The following COL25A1 variants were observed in gnomAD, a reference collection of about 807,000 sequenced individuals.
The protein encoded by COL25A1 is collagen type XXV alpha 1 chain, also known as collagen alpha-1(XXV) chain.
Under a neutral mutation model 128.4 loss-of-function variants are expected in COL25A1, and 103 were observed. That is an observed-to-expected ratio of 0.80 (90% CI 0.68 to 0.94). COL25A1 has a LOEUF of 0.94. Ranked by LOEUF, COL25A1 falls within the 40% of genes least tolerant of loss-of-function variation. COL25A1 has a pLI of 0.00. For synonymous variants in COL25A1, 279 were observed against 277.2 expected, an observed-to-expected ratio of 1.01 and a Z score of -0.06; for missense variants, 745 against 840.0, an observed-to-expected ratio of 0.89 and a Z score of 1.40.
chr4:108,871,385 G>A lies in COL25A1; in HGVS notation c.1021-2235C>T, dbSNP rs995899003. Among the ~76,000 whole-genome samples, 6 of 152,028 alleles carry A rather than the reference G, an allele frequency of 3.9e-5. No individual in the cohort carries two copies. In the East Asian group the frequency reaches 5.8e-4, roughly 15 times the overall value. ...GGCTGGAGTGCAGTGGCACAATCTC[G>A]GCTCACTGCAAGCTCCGCCTCCCGG... On this transcript the variant is annotated intron_variant, in intron 19 of 37. Transcript: ENST00000399132.
intron 3 of COL25A1, among the ~76,000 whole-genome samples, chr4:109,132,934 G>T (rs1314221736): frequency 3.3e-5 from 5 of 152,024 alleles, no homozygotes; most frequent in African/African-American, 9.7e-5. Flanking sequence ...AAAAATAGGA[G>T]TATTAGACTT....
chr4:108,886,820 C>T (rs1477591066), intron 18 of COL25A1, among the ~76,000 whole-genome samples: 1 of 152,092 alleles, frequency 6.6e-6, no homozygotes, highest in Non-Finnish European at 1.5e-5. Flanking sequence ...CTTCTTTTCA[C>T]CTTTCACCCT....
At chr4:109,011,864 T>C (rs1384764438) in intron 5 of COL25A1, among the ~76,000 whole-genome samples, 11 of 152,240 alleles carry the variant, frequency 7.2e-5, no homozygotes, top group African/African-American at 2.7e-4. Flanking sequence ...GCATGAATCT[T>C]TGCTTCCAGA....
intron 3 of COL25A1, among the ~76,000 whole-genome samples, chr4:109,153,148 G>A (rs994316466): frequency 6.6e-5 from 10 of 152,112 alleles, no homozygotes; most frequent in Non-Finnish European, 1.5e-4. Flanking sequence ...CACTTTGGGA[G>A]GCCGAGGTGG....
intron 5 of COL25A1, among the ~76,000 whole-genome samples, chr4:109,014,925 C>T (rs532294018): frequency 7.9e-5 from 12 of 152,268 alleles, no homozygotes; most frequent in African/African-American, 1.7e-4. Flanking sequence ...GCCTATACCA[C>T]GTCCTCTCAC....
chr4:108,820,680 G>A (rs1051110964), intron 35 of COL25A1, among the ~76,000 whole-genome samples: 1 of 150,672 alleles, frequency 6.6e-6, no homozygotes, highest in Non-Finnish European at 1.5e-5. Flanking sequence ...ATTTACAATG[G>A]TAAATGAGTT....
intron 3 of COL25A1, among the ~76,000 whole-genome samples, chr4:109,203,380 A>C (rs1776724103): frequency 6.6e-6 from 1 of 152,160 alleles, no homozygotes; most frequent in South Asian, 2.1e-4. Flanking sequence ...GAGTTCTCAA[A>C]AACTTTACCT....
chr4:109,149,009 TG>T (rs1243806111), intron 3 of COL25A1, among the ~76,000 whole-genome samples: 2 of 152,220 alleles, frequency 1.3e-5, no homozygotes, highest in East Asian at 3.9e-4. Flanking sequence ...ATAAGTCAAC[TG>T]CTCTTCCACA....
At chr4:109,010,280 T>C (rs1756448847) in intron 6 of COL25A1, 78 bp downstream of exon 6, 2 of 1,123,616 alleles carry the variant, frequency 1.8e-6, no homozygotes, top group African/African-American at 4.0e-5. Context: ...TTTATATCTT[T>C]TGAAAGAATT....
chr4:109,011,751 A>C (rs1756613360), intron 5 of COL25A1, among the ~76,000 whole-genome samples: 1 of 152,200 alleles, frequency 6.6e-6, no homozygotes, highest in Non-Finnish European at 1.5e-5. Context: ...CTAGAAGTTT[A>C]AGCTGACATT....
chr4:108,881,137 C>T (rs1469115395), intron 19 of COL25A1, among the ~76,000 whole-genome samples: 1 of 152,148 alleles, frequency 6.6e-6, no homozygotes, highest in East Asian at 1.9e-4. Flanking sequence ...CTGCAGGAAG[C>T]TTAAGAGTAG....
chr4:109,113,844 TA>T (rs1218492916), intron 3 of COL25A1, among the ~76,000 whole-genome samples: 2 of 152,138 alleles, frequency 1.3e-5, no homozygotes, highest in Admixed American at 1.3e-4. Flanking sequence ...ATACAAATCC[TA>T]GCTCTACCAC....
intron 3 of COL25A1, among the ~76,000 whole-genome samples, chr4:109,266,409 A>T (rs1325577581): frequency 6.6e-6 from 1 of 152,198 alleles, no homozygotes; most frequent in Non-Finnish European, 1.5e-5. Flanking sequence ...CAATGGAGCG[A>T]TTTGAAGAAG....
At chr4:109,057,517 G>A (rs1271254008) in intron 3 of COL25A1, among the ~76,000 whole-genome samples, 1 of 134,436 alleles carries the variant, frequency 7.4e-6, no homozygotes, top group African/African-American at 2.7e-5. Context: ...CCTGACTTCA[G>A]GTGACCTGCC....
chr4:109,109,183 G>C (rs1766748209), intron 3 of COL25A1, among the ~76,000 whole-genome samples: 1 of 151,986 alleles, frequency 6.6e-6, no homozygotes, highest in Non-Finnish European at 1.5e-5. Flanking sequence ...CCTCCTCCTG[G>C]GTTCAAGCTA....
chr4:108,940,488 C>G, intron 10 of COL25A1, 51 bp downstream of exon 10: 1 of 1,506,136 alleles, frequency 6.6e-7, no homozygotes, highest in Non-Finnish European at 9.2e-7. Flanking sequence ...GTTCTCAGCC[C>G]TTAACATGAA....
rs115721241 is a variant in COL25A1 at position 108,859,399 on chromosome 4, G to C, written c.1320+257C>G. The stretch of plus-strand genomic sequence containing the variant: ...GCAAAAATTGGCCAAACTAACACAA[G>C]GTTTATCCCTCATAAGGCTTAACTA... On this transcript the variant is annotated intron_variant, in intron 24 of 37. Transcript: ENST00000399132. Among the ~76,000 whole-genome samples the C allele has an allele frequency of 1.6e-3, 245 of 152,192 alleles. 2 individuals are homozygous for C. The highest frequency in any genetic ancestry group is 5.7e-3 in the African/African-American group (235 of 41,508).
intron 8 of COL25A1, among the ~76,000 whole-genome samples, chr4:108,945,154 CA>C (rs757382893): frequency 2.2e-4 from 34 of 151,976 alleles, no homozygotes; most frequent in Non-Finnish European, 4.7e-4. Flanking sequence ...TAATTAATGG[CA>C]AATAAATTTA....
At chr4:108,977,662 T>C (rs1752567700) in intron 6 of COL25A1, among the ~76,000 whole-genome samples, 1 of 152,246 alleles carries the variant, frequency 6.6e-6, no homozygotes, top group African/African-American at 2.4e-5. Context: ...TGAATGTCTA[T>C]ACAGTGTGGC....
Sources: allele counts gnomAD v4.1 joint callset (sites outside exome capture counted in the v4.1 genomes callset), GRCh38; gene constraint gnomAD v4.1.1; transcripts MANE v1.5; gene names NCBI Gene and HGNC (gene_info 2026-07-23, HGNC 2026-07-21).